Variants in ZSCAN23 observed in about 807,000 individuals in gnomAD.
ZSCAN23 encodes zinc finger and SCAN domain-containing protein 23.
Under a neutral mutation model 19.3 loss-of-function variants are expected in ZSCAN23, and 19 were observed. The ratio of observed to expected loss-of-function variants is 0.99; its 90% CI spans 0.69 to 1.45. The LOEUF (loss-of-function observed/expected upper bound fraction) is 1.45. Ranked by LOEUF, ZSCAN23 falls within the 40% of genes most tolerant of loss-of-function variation. The pLI, the probability that ZSCAN23 is intolerant of heterozygous loss-of-function variation, is 0.00. For missense variants in ZSCAN23, 372 were observed against 462.5 expected, an observed-to-expected ratio of 0.80 and a Z score of 1.79; for synonymous variants, 140 against 166.2, an observed-to-expected ratio of 0.84 and a Z score of 1.21.
chr6:28,426,892 C>T, the ZSCAN23 span, among the ~76,000 whole-genome samples: 1 of 152,172 alleles, frequency 6.6e-6, no homozygotes, highest in Admixed American at 6.5e-5. Context: ...CTCACTGCAG[C>T]CTCTGCCTCC....
In ZSCAN23 at chr6:28,443,416, G is replaced by C. The variant is rs907511068; in HGVS notation, c.-95C>G. ...AAGCTCACCGAGGCATCCGTGAGAG[G>C]AGATGCCACCTAGCGCAGATCACAT... is the stretch of plus-strand genomic sequence containing the variant. On this transcript the variant is annotated 5_prime_UTR_variant, in exon 1 of 4. Coordinates refer to ENST00000289788, the MANE Select transcript of ZSCAN23 (RefSeq NM_001012455.2). 9 of 152,418 alleles carry C rather than the reference G, an allele frequency of 5.9e-5. No individual in the cohort carries two copies. The highest frequency in any genetic ancestry group is 4.6e-4 in the Admixed American group (7 of 15,280). 9.4% of individuals were successfully genotyped at this position (152,418 alleles called of 1,614,324 possible).
Position 28,432,964 on chromosome 6 carries a change from G to T in ZSCAN23, c.*1501C>A, listed in dbSNP as rs1009443249. On this transcript the variant is annotated 3_prime_UTR_variant, in exon 4 of 4. Transcript: ENST00000289788. ...TTATAAAGGGAAAGTAGACCTTTTT[G>T]TATTATTTTGATTTTTGAACCAGGT... The T allele has an allele frequency of 6.6e-6, 1 of 152,016 alleles. No homozygotes were observed. The highest frequency in any genetic ancestry group is 2.4e-5 in the African/African-American group (1 of 41,408). The allele number at this position is 152,016 out of a possible 1,614,324, so 9.4% of individuals were successfully genotyped here.
At chr6:28,421,795 C>A in the ZSCAN23 span, among the ~76,000 whole-genome samples, 1 of 151,988 alleles carries the variant, frequency 6.6e-6, no homozygotes, top group Admixed American at 6.6e-5. Context: ...GGAGAGGGTA[C>A]CCATATATTA....
Position 28,438,879 on chromosome 6 carries a change from G to A in ZSCAN23, c.-77-2536C>T, listed in dbSNP as rs369579360. On this transcript the variant is annotated intron_variant, in intron 1 of 3. Transcript: ENST00000289788. ...GTGAACACTGATCACATTACAACCC[G>A]AAGAAAAATTAGATTCATATTGTGA... 3.2e-4 allele frequency among the ~76,000 whole-genome samples: 48 copies of A among 152,238 alleles called. No homozygotes were observed. In the South Asian group the frequency reaches 5.6e-3, roughly 18 times the overall value.
chr6:28,424,880 A>T, the ZSCAN23 span, among the ~76,000 whole-genome samples: 9 of 152,160 alleles, frequency 5.9e-5, no homozygotes, highest in African/African-American at 2.2e-4. Context: ...TGATATTTTG[A>T]TCTCCTCCCA....
chr6:28,437,329 A>T (rs1761913502), intron 1 of ZSCAN23, among the ~76,000 whole-genome samples: 1 of 152,196 alleles, frequency 6.6e-6, no homozygotes, highest in African/African-American at 2.4e-5. Context: ...GTAAAATAAA[A>T]TTACTGCTAA....
In ZSCAN23 at chr6:28,433,461, C is replaced by T. The variant is rs537500193; in HGVS notation, c.*1004G>A. 6.6e-6 allele frequency: 1 copy of T among 152,044 alleles called. No individual in the cohort carries two copies. The allele number at this position is 152,044 out of a possible 1,614,324, so 9.4% of individuals were successfully genotyped here. A position where few individuals can be genotyped will look rare whatever the true frequency, so the allele number is the denominator to read the frequency against. ...ATGTATTGGGTATTTGGGTGTATTC[C>T]AAACCAGATTGTTTTCACCATAGGT... On this transcript the variant is annotated 3_prime_UTR_variant, in exon 4 of 4. Coordinates refer to ENST00000289788, the MANE Select transcript of ZSCAN23 (RefSeq NM_001012455.2).
chr6:28,429,134 A>G (rs1193610123), downstream of ZSCAN23, among the ~76,000 whole-genome samples: 2 of 152,144 alleles, frequency 1.3e-5, no homozygotes, highest in Non-Finnish European at 2.9e-5. Context: ...CAGCTCTGCT[A>G]TTGCCTACTC....
intron 3 of ZSCAN23, 71 bp from the exon 4 acceptor site, chr6:28,435,149 G>A: frequency 2.8e-6 from 4 of 1,446,018 alleles, no homozygotes; most frequent in Admixed American, 2.8e-5. Context: ...AAAGACAAAA[G>A]AAAAAAAGTG....
chr6:28,431,121 T>G (rs191523585), downstream of ZSCAN23, among the ~76,000 whole-genome samples: 9 of 152,250 alleles, frequency 5.9e-5, no homozygotes, highest in East Asian at 1.7e-3. Flanking sequence ...GCCCTCTGTT[T>G]TGTTTGTGCA....
chr6:28,435,832 C>A, intron 2 of ZSCAN23, 27 bp downstream of exon 2: 1 of 1,539,858 alleles, frequency 6.5e-7, no homozygotes, highest in Non-Finnish European at 8.7e-7. Context: ...CTTATAGGTA[C>A]AAATCCCTGT....
chr6:28,422,012 C>A, the ZSCAN23 span, among the ~76,000 whole-genome samples: 3 of 152,012 alleles, frequency 2.0e-5, no homozygotes, highest in African/African-American at 7.2e-5. The surrounding 1 kb of genome is among the most constrained non-coding windows in gnomAD (Gnocchi z 4.0). Context: ...TCTTTTACAG[C>A]AAATATTGAA....
chr6:28,437,351 A>G (rs1045163320), intron 1 of ZSCAN23, among the ~76,000 whole-genome samples: 34 of 152,122 alleles, frequency 2.2e-4, no homozygotes, highest in African/African-American at 8.2e-4. Flanking sequence ...AAAAAGACAA[A>G]TGTCTATGAC....
chr6:28,436,903 CA>C (rs1761901153), intron 1 of ZSCAN23, among the ~76,000 whole-genome samples: 1 of 152,148 alleles, frequency 6.6e-6, no homozygotes, highest in South Asian at 2.1e-4. Context: ...ACTGAGACAT[CA>C]ACCTGCAGGT....
chr6:28,424,212 C>T, the ZSCAN23 span, among the ~76,000 whole-genome samples: 1 of 152,158 alleles, frequency 6.6e-6, no homozygotes, highest in Non-Finnish European at 1.5e-5. Context: ...TATGTTTATA[C>T]TACATGACAG....
At chr6:28,441,127 C>T (rs1761991493) in intron 1 of ZSCAN23, among the ~76,000 whole-genome samples, 1 of 152,166 alleles carries the variant, frequency 6.6e-6, no homozygotes, top group South Asian at 2.1e-4. Context: ...CCAAATCTAC[C>T]ATCATCCTCA....
downstream of ZSCAN23, among the ~76,000 whole-genome samples, chr6:28,431,689 C>G (rs964974581): frequency 2.0e-5 from 3 of 152,060 alleles, no homozygotes; most frequent in African/African-American, 7.2e-5. Flanking sequence ...GACTGCTTTT[C>G]TCCCTGTCCT....
chr6:28,436,221 G>C lies in ZSCAN23; in HGVS notation c.46C>G (p.Leu16Val). The C allele has an allele frequency of 6.4e-7, 1 of 1,552,116 alleles. No individual in the cohort carries two copies. Among genetic ancestry groups the C allele is most frequent in the Non-Finnish European group, 8.7e-7 (1 of 1,147,168 alleles). Reference protein sequence around the residue: ...TLQTAEMQEGLLAVKVKEEEE... With the variant: ...TLQTAEMQEGVLAVKVKEEEE... ...TCCTCCTTTACCTTCACTGCCAGAA[G>C]TCCTTCCTGCATCTCTGCAGTCTGA... The change falls in exon 2 of 4, where the codon CTT becomes GTT. Residue 16 changes from leucine to valine, a missense_variant. Transcript: ENST00000289788.
chr6:28,427,088 T>C (rs1394158347), downstream of ZSCAN23, among the ~76,000 whole-genome samples: 1 of 152,154 alleles, frequency 6.6e-6, no homozygotes, highest in Non-Finnish European at 1.5e-5. Context: ...CCACCGCGCC[T>C]GGCCCAAAAG....
Sources: gnomAD v4.1 joint callset for allele counts (sites outside exome capture counted in the v4.1 genomes callset) on GRCh38, gnomAD v4.1.1 for gene constraint, Gnocchi (gnomAD v3.1) non-coding constraint, MANE v1.5 for transcripts, NCBI Gene and HGNC (gene_info 2026-07-23, HGNC 2026-07-21) for gene names.